SNAPC3: variants seen among roughly 807,000 people sequenced by gnomAD.
SNAPC3 encodes the protein snRNA-activating protein complex subunit 3.
In SNAPC3, 56 loss-of-function variants were observed where a neutral mutation model predicts 47.7. The ratio of observed to expected loss-of-function variants is 1.18; its 90% CI spans 0.95 to 1.47. SNAPC3 has a LOEUF of 1.47. SNAPC3 is among the 40% of genes most tolerant of loss of function. SNAPC3 has a pLI of 0.00. For synonymous variants in SNAPC3, 235 were observed against 189.9 expected, an observed-to-expected ratio of 1.24 and a Z score of -1.95; for missense variants, 665 against 511.3, an observed-to-expected ratio of 1.30 and a Z score of -2.90.
intron 2 of SNAPC3, among the ~76,000 whole-genome samples, chr9:15,424,330 A>T (rs1453715923): frequency 3.3e-5 from 5 of 152,184 alleles, no homozygotes; most frequent in Admixed American, 2.0e-4. Context: ...CCATATTCAA[A>T]CTTGTGTTTA....
intron 7 of SNAPC3, 185 bp downstream of exon 7, chr9:15,453,390 C>T (rs1370957807): frequency 2.0e-6 from 1 of 488,940 alleles, no homozygotes; most frequent in Non-Finnish European, 3.6e-6. Flanking sequence ...CATTTGCATC[C>T]TCTATTGTTC....
intron 6 of SNAPC3, among the ~76,000 whole-genome samples, chr9:15,452,238 C>T (rs1235867045): frequency 6.6e-6 from 1 of 152,034 alleles, no homozygotes; most frequent in African/African-American, 2.4e-5. Flanking sequence ...GCTAACGTTA[C>T]AGGTGTGAGC....
intron 3 of SNAPC3, among the ~76,000 whole-genome samples, chr9:15,441,164 A>G (rs1186929500): frequency 2.0e-5 from 3 of 147,608 alleles, no homozygotes; most frequent in Admixed American, 1.4e-4. Flanking sequence ...CATTGAGCAC[A>G]TTTAAGTCAG....
chr9:15,423,226 G>C, intron 1 of SNAPC3, 33 bp downstream of exon 1: 5 of 1,544,042 alleles, frequency 3.2e-6, no homozygotes, highest in Non-Finnish European at 3.5e-6. Context: ...CTTGCAGCTT[G>C]GGGTCAAACA....
At chr9:15,448,005 C>T (rs1196983438) in intron 5 of SNAPC3, among the ~76,000 whole-genome samples, 1 of 152,144 alleles carries the variant, frequency 6.6e-6, no homozygotes, top group Non-Finnish European at 1.5e-5. Flanking sequence ...TGATCCCTTC[C>T]ACATTTCATC....
At chr9:15,425,215 T>G (rs967699512) in intron 2 of SNAPC3, among the ~76,000 whole-genome samples, 13 of 152,194 alleles carry the variant, frequency 8.5e-5, no homozygotes, top group African/African-American at 3.1e-4. Flanking sequence ...TTCTATGTTA[T>G]GTTATGTTAC....
At chr9:15,435,592 G>A (rs367849484) in intron 3 of SNAPC3, among the ~76,000 whole-genome samples, 1 of 151,918 alleles carries the variant, frequency 6.6e-6, no homozygotes, top group East Asian at 2.0e-4. Context: ...TTAGCCGGGC[G>A]TGGTGGCAGG....
Position 15,443,143 on chromosome 9 carries a change from C to T in SNAPC3, c.478-1459C>T, listed in dbSNP as rs570931025. 4.5e-4 allele frequency among the ~76,000 whole-genome samples: 69 copies of T among 152,250 alleles called. 1 individual carries two copies. Among genetic ancestry groups the T allele is most frequent in the Admixed American group, 1.8e-3 (28 of 15,300 alleles). On this transcript the variant is annotated intron_variant, in intron 3 of 8. Transcript: ENST00000380821. ...GCAGTACAGTCCAGCTTTGGCTCGG[C>T]ATCAGAGGGAGACTGTGGAGAGAGA...
At chr9:15,465,520 C>T (rs1369682544), downstream of SNAPC3, 4 of 1,553,688 alleles carry the variant, frequency 2.6e-6, no homozygotes, top group South Asian at 3.5e-5. Context: ...GTATGTCAAC[C>T]TAGTTATCTA....
At chr9:15,457,091 T>C (rs956420255) in intron 7 of SNAPC3, among the ~76,000 whole-genome samples, 1 of 152,140 alleles carries the variant, frequency 6.6e-6, no homozygotes, top group African/African-American at 2.4e-5. Context: ...TTGACTTCCA[T>C]TTCTTTTTTA....
chr9:15,444,681 T>C lies in SNAPC3; in HGVS notation c.557T>C (p.Ile186Thr), dbSNP rs1249147454. 2 of 1,601,234 alleles carry C rather than the reference T, an allele frequency of 1.2e-6. No individual in the cohort carries two copies. The highest frequency in any genetic ancestry group is 2.2e-5 in the East Asian group (1 of 44,828). Residue 186 changes from isoleucine to threonine, a missense_variant, in exon 4 of 9, where the codon ATC (isoleucine) becomes ACC (threonine). Ile to Thr is a moderately conservative substitution (Grantham distance 89). Coordinates refer to ENST00000380821, the MANE Select transcript of SNAPC3 (RefSeq NM_001039697.2). ...EEGELILSVNILYPVIFHKHK... is the reference protein window; with the variant it reads ...EEGELILSVNTLYPVIFHKHK... ...GGGGAGCTTATCCTATCTGTGAATA[T>C]CTTGTACCCTGTTATATTTCATAAG...
intron 2 of SNAPC3, among the ~76,000 whole-genome samples, chr9:15,428,147 C>T (rs1266236849): frequency 6.8e-6 from 1 of 147,036 alleles, no homozygotes; most frequent in African/African-American, 2.5e-5. Context: ...TCAAACAGCT[C>T]TCATATATCT....
At chr9:15,462,567 T>G (rs1363126153), downstream of SNAPC3, 4 of 152,256 alleles carry the variant, frequency 2.6e-5, no homozygotes, top group Admixed American at 2.0e-4. Flanking sequence ...GATAGGCAAC[T>G]GAAAATGTTG....
chr9:15,465,579 G>C (rs745400847), downstream of SNAPC3: 7 of 1,578,682 alleles, frequency 4.4e-6, no homozygotes, highest in African/African-American at 6.8e-5. Context: ...TCACTGGATG[G>C]CCTGAAGAAA....
intron 3 of SNAPC3, 89 bp from the exon 4 acceptor site, chr9:15,444,513 A>ACTCGATCC (rs977517007): frequency 2.6e-6 from 2 of 775,716 alleles, no homozygotes; most frequent in Admixed American, 4.4e-5. Flanking sequence ...AGGCTGCTTG[A>ACTCGATCC]CTCGATCCCT....
rs141250130 is a variant in SNAPC3 at position 15,459,144 on chromosome 9, C to T, written c.1089-575C>T. 1.3e-3 allele frequency among the ~76,000 whole-genome samples: 191 copies of T among 152,232 alleles called. 1 individual carries two copies. Among genetic ancestry groups the T allele is most frequent in the African/African-American group, 4.4e-3 (181 of 41,548 alleles). Reference sequence around the variant, plus strand: ...TTAAAAGCAAACATTCCATGAGATGCAGAATTCAAACATACCATACAATAG... The same window carrying T: ...TTAAAAGCAAACATTCCATGAGATGTAGAATTCAAACATACCATACAATAG... On this transcript the variant is annotated intron_variant, in intron 8 of 8. Transcript: ENST00000380821.
In SNAPC3 at chr9:15,460,672, T is replaced by A. The variant is rs1470124916; in HGVS notation, c.*806T>A. On this transcript the variant is annotated 3_prime_UTR_variant, in exon 9 of 9. Transcript: ENST00000380821. Reference sequence around the variant, plus strand: ...TCCCAAAATTTTGGGATCACAGGCGTGAGCCACCGCGCCCGGCTGCTTTGG... The same window carrying A: ...TCCCAAAATTTTGGGATCACAGGCGAGAGCCACCGCGCCCGGCTGCTTTGG... 6.6e-6 allele frequency: 1 copy of A among 152,338 alleles called. No homozygotes were observed. The highest frequency in any genetic ancestry group is 1.5e-5 in the Non-Finnish European group (1 of 68,108). 9.4% of individuals were successfully genotyped at this position (152,338 alleles called of 1,614,324 possible).
At chr9:15,438,595 C>T (rs2033038809) in intron 3 of SNAPC3, among the ~76,000 whole-genome samples, 1 of 152,040 alleles carries the variant, frequency 6.6e-6, no homozygotes, top group South Asian at 2.1e-4. Context: ...TTTAAAATCA[C>T]TCTTTTTACT....
Position 15,458,042 on chromosome 9 carries a change from TTTG to T in SNAPC3, c.1066_1068del (p.Val356del). 6.3e-7 allele frequency: 1 copy of T among 1,585,192 alleles called. No homozygotes were observed. Among genetic ancestry groups the T allele is most frequent in the Non-Finnish European group, 8.6e-7 (1 of 1,169,384 alleles). ...GCATTGGCTATGGACCAGAAAATGT[TTTG>T]TTTGTAAAATGTATACAGCCAGGTG... On this transcript the variant is annotated inframe_deletion, in exon 8 of 9. Transcript: ENST00000380821.
Sources: gnomAD v4.1 joint callset for allele counts (sites outside exome capture counted in the v4.1 genomes callset) on GRCh38, gnomAD v4.1.1 for gene constraint, MANE v1.5 for transcripts, NCBI Gene and HGNC (gene_info 2026-07-23, HGNC 2026-07-21) for gene names.